The following DLGAP4 variants were observed in gnomAD, a reference collection of about 807,000 sequenced individuals.
DLGAP4 encodes the protein DLG associated protein 4.
Under a neutral mutation model 86.9 loss-of-function variants are expected in DLGAP4, and 18 were observed. That is an observed-to-expected ratio of 0.21 (90% CI 0.14 to 0.31). DLGAP4 has a LOEUF of 0.31. Ranked by LOEUF, DLGAP4 falls within the 10% of genes least tolerant of loss-of-function variation. The pLI is 1.00. For synonymous variants in DLGAP4, 548 were observed against 574.3 expected, an observed-to-expected ratio of 0.95 and a Z score of 0.65; for missense variants, 1,085 against 1,362.6, an observed-to-expected ratio of 0.80 and a Z score of 3.21.
intron 7 of DLGAP4, among the ~76,000 whole-genome samples, chr20:36,458,804 T>C (rs1347749437): frequency 6.6e-6 from 1 of 152,054 alleles, no homozygotes; most frequent in African/African-American, 2.4e-5. Context: ...AGGGTGATGA[T>C]GGTGGCTTAG....
chr20:36,356,884 C>G (rs1366794852), intron 1 of DLGAP4, among the ~76,000 whole-genome samples: 1 of 152,154 alleles, frequency 6.6e-6, no homozygotes, highest in Non-Finnish European at 1.5e-5. Flanking sequence ...TGAATCCTCC[C>G]TCTACCTCAT....
chr20:36,400,256 A>C (rs6031616), intron 2 of DLGAP4, among the ~76,000 whole-genome samples: 11,326 of 152,164 alleles, frequency 0.074, 1,425 homozygotes, highest in African/African-American at 0.26. Flanking sequence ...TTTTGGAAGG[A>C]TCATCCCCTC....
chr20:36,497,181 A>G (rs991219348), intron 8 of DLGAP4, 115 bp downstream of exon 8: 44 of 1,480,320 alleles, frequency 3.0e-5, no homozygotes, highest in Non-Finnish European at 3.7e-5. Context: ...TTGTCTCTCT[A>G]TTTTGGGGGA....
chr20:36,503,102 G>A (rs1341585589), intron 10 of DLGAP4, among the ~76,000 whole-genome samples: 1 of 152,160 alleles, frequency 6.6e-6, no homozygotes, highest in African/African-American at 2.4e-5. Flanking sequence ...CTGTCAGTTA[G>A]TTGCTGTACC....
intron 2 of DLGAP4, among the ~76,000 whole-genome samples, chr20:36,407,889 CA>C (rs2032371445): frequency 6.6e-6 from 1 of 151,990 alleles, no homozygotes; most frequent in South Asian, 2.1e-4. Context: ...GCAGGGCAGC[CA>C]GGGGAGGCCC....
intron 1 of DLGAP4, among the ~76,000 whole-genome samples, chr20:36,327,669 G>A (rs1467157808): frequency 7.1e-6 from 1 of 141,632 alleles, no homozygotes; most frequent in Non-Finnish European, 1.5e-5. Flanking sequence ...TCGGCTCACT[G>A]CAAGCTCCGC....
chr20:36,430,167 A>G (rs371526545), intron 2 of DLGAP4, among the ~76,000 whole-genome samples: 6 of 152,174 alleles, frequency 3.9e-5, no homozygotes, highest in African/African-American at 7.2e-5. Flanking sequence ...GGATGTTCCC[A>G]TTTTACAACA....
At chr20:36,464,678 C>T (rs182540671) in intron 7 of DLGAP4, among the ~76,000 whole-genome samples, 93 of 149,486 alleles carry the variant, frequency 6.2e-4, no homozygotes, top group African/African-American at 2.2e-3. Context: ...GGTGAAACCC[C>T]GTCTCTACTG....
chr20:36,463,259 C>T (rs1376062912), intron 7 of DLGAP4, among the ~76,000 whole-genome samples: 2 of 152,208 alleles, frequency 1.3e-5, no homozygotes, highest in African/African-American at 4.8e-5. Flanking sequence ...CTTGTCCTCT[C>T]TGTCAGTTTC....
At chr20:36,377,526 A>T (rs2147436582) in intron 2 of DLGAP4, among the ~76,000 whole-genome samples, 1 of 152,246 alleles carries the variant, frequency 6.6e-6, no homozygotes, top group African/African-American at 2.4e-5. Context: ...ATTACTGTGG[A>T]TGTTGCGCTA....
At chr20:36,494,967 T>G (rs957330808) in intron 7 of DLGAP4, among the ~76,000 whole-genome samples, 1 of 140,154 alleles carries the variant, frequency 7.1e-6, no homozygotes, top group East Asian at 2.0e-4. Context: ...AAAAAAGTGG[T>G]TTTTTTTTTT....
At chr20:36,380,866 C>G (rs532667789) in intron 2 of DLGAP4, among the ~76,000 whole-genome samples, 3 of 152,176 alleles carry the variant, frequency 2.0e-5, no homozygotes, top group Non-Finnish European at 2.9e-5. Flanking sequence ...CTTTTCCTAC[C>G]AGGGAAACAA....
intron 7 of DLGAP4, among the ~76,000 whole-genome samples, chr20:36,453,738 G>T (rs1313159192): frequency 1.3e-5 from 2 of 151,898 alleles, no homozygotes; most frequent in Non-Finnish European, 2.9e-5. Context: ...TTCGAGACCA[G>T]CCTGGCCAAC....
intron 7 of DLGAP4, among the ~76,000 whole-genome samples, chr20:36,474,096 G>C (rs1008301662): frequency 1.2e-4 from 19 of 152,250 alleles, no homozygotes; most frequent in Non-Finnish European, 2.1e-4. Context: ...CACAGTGCCT[G>C]GTACAGAGGA....
At chr20:36,318,557 A>G (rs967287642) in intron 1 of DLGAP4, among the ~76,000 whole-genome samples, 9 of 152,110 alleles carry the variant, frequency 5.9e-5, no homozygotes, top group Non-Finnish European at 1.2e-4. Context: ...AATTTTTTGT[A>G]AAGATAGGAT....
In DLGAP4 at chr20:36,446,897, G is replaced by C. The variant is rs200165333; in HGVS notation, c.1608G>C (p.Pro536=). Residue 536 remains proline, a synonymous_variant, in exon 7 of 13, where the codon CCG becomes CCC. Transcript: ENST00000339266. ...TCTCCCTGCAGTCCCTCTCCCCACC[G>C]CCCAGTACCGGCAGCCTCAGCAATA... The part of the protein sequence containing the change: ...DSVSLQSLSP[P]PSTGSLSNSR... 2 of 1,612,354 alleles carry C rather than the reference G, an allele frequency of 1.2e-6. No individual in the cohort carries two copies. Among genetic ancestry groups the C allele is most frequent in the Admixed American group, 3.3e-5 (2 of 59,976 alleles).
intron 7 of DLGAP4, among the ~76,000 whole-genome samples, chr20:36,482,109 C>T (rs1007969752): frequency 3.3e-5 from 5 of 152,176 alleles, no homozygotes; most frequent in East Asian, 1.9e-4. Context: ...CTGCACTATT[C>T]GTCTCATCCC....
rs951199086 is a variant in DLGAP4 at position 36,308,057 on chromosome 20, C to T, written c.-304+1545C>T. ...ACCACCAGGCCCTAGAGCCGGCTGT[C>T]GGGGCCAGTCAGCAGCAGACTCCGA... On this transcript the variant is annotated intron_variant, in intron 1 of 12. Coordinates refer to ENST00000339266, the MANE Select transcript of DLGAP4 (RefSeq NM_001365621.2). This position sits in a 1 kb window ranked among gnomAD's most constrained non-coding sequence, Gnocchi z 4.5. Among the ~76,000 whole-genome samples, 1 of 152,200 alleles carries T rather than the reference C, an allele frequency of 6.6e-6. No homozygotes were observed. The highest frequency in any genetic ancestry group is 1.9e-4 in the East Asian group (1 of 5,198).
chr20:36,513,488 C>T (rs2036846297), intron 10 of DLGAP4, among the ~76,000 whole-genome samples: 2 of 139,192 alleles, frequency 1.4e-5, no homozygotes, highest in Non-Finnish European at 3.0e-5. Flanking sequence ...GCGGAGCTTG[C>T]AGTGAGCCGA....
Sources: allele counts gnomAD v4.1 joint callset (sites outside exome capture counted in the v4.1 genomes callset), GRCh38; gene constraint gnomAD v4.1.1; non-coding constraint Gnocchi (gnomAD v3.1); transcripts MANE v1.5; gene names NCBI Gene and HGNC (gene_info 2026-07-23, HGNC 2026-07-21).